The following PCSK6 variants were observed in gnomAD, a reference collection of about 807,000 sequenced individuals.
The protein encoded by PCSK6 is proprotein convertase subtilisin/kexin type 6.
In PCSK6, 85 loss-of-function variants were observed where a neutral mutation model predicts 123.3. That is an observed-to-expected ratio of 0.69 (90% CI 0.58 to 0.83). The LOEUF (loss-of-function observed/expected upper bound fraction) is 0.83, where lower values mean the gene tolerates loss of function less well. Ranked by LOEUF, PCSK6 falls within the 40% of genes least tolerant of loss-of-function variation. The pLI is 0.00. For synonymous variants in PCSK6, 508 were observed against 516.0 expected (o/e 0.98, Z 0.21); for missense variants, 1,191 against 1,282.3 (o/e 0.93, Z 1.09).
chr15:101,390,861 G>T (rs2042213905), intron 8 of PCSK6, among the ~76,000 whole-genome samples: 1 of 152,190 alleles, frequency 6.6e-6, no homozygotes. Context: ...GCTGTTTTAA[G>T]CTGCTAAGTT....
At chr15:101,425,873 C>T (rs778917179) in intron 6 of PCSK6, among the ~76,000 whole-genome samples, 1 of 152,190 alleles carries the variant, frequency 6.6e-6, no homozygotes, top group African/African-American at 2.4e-5. Context: ...CTTCCACTGA[C>T]TCCTCCCCGC....
Position 101,332,035 on chromosome 15 carries a change from G to A in PCSK6, c.1859-4C>T. ...AGGCTCCATTCTTTCAACTTCCCTGGAAGGCACCAAACCCACAGAGTTACC... is the reference window on the plus strand; with the variant it reads ...AGGCTCCATTCTTTCAACTTCCCTGAAAGGCACCAAACCCACAGAGTTACC... On this transcript the variant is annotated splice_region_variant and splice_polypyrimidine_tract_variant and intron_variant, in intron 13 of 21. Transcript: ENST00000611716. The A allele has an allele frequency of 6.3e-7, 1 of 1,586,526 alleles. No homozygotes were observed. The highest frequency in any genetic ancestry group is 1.1e-5 in the South Asian group (1 of 88,546).
At chr15:101,487,395 CG>C (rs1567265257) in intron 1 of PCSK6, among the ~76,000 whole-genome samples, 2 of 152,218 alleles carry the variant, frequency 1.3e-5, no homozygotes, top group African/African-American at 4.8e-5. Context: ...GAGTGTGCAT[CG>C]GGGCGAATCT....
At chr15:101,367,314 A>C (rs1414555443) in intron 12 of PCSK6, among the ~76,000 whole-genome samples, 1 of 152,100 alleles carries the variant, frequency 6.6e-6, no homozygotes, top group Non-Finnish European at 1.5e-5. Flanking sequence ...TCACAGTCTA[A>C]TTTTCTATCT....
intron 2 of PCSK6, among the ~76,000 whole-genome samples, chr15:101,442,250 C>T (rs952356458): frequency 1.3e-5 from 2 of 152,226 alleles, no homozygotes; most frequent in African/African-American, 2.4e-5. Context: ...CCTTCCCTTG[C>T]TATGAAGGAA....
At chr15:101,392,773 C>T (rs1394042237) in intron 8 of PCSK6, among the ~76,000 whole-genome samples, 2 of 152,124 alleles carry the variant, frequency 1.3e-5, no homozygotes, top group African/African-American at 4.8e-5. Context: ...TCTGTAGCAA[C>T]AGAATGCCTA....
Position 101,382,410 on chromosome 15 carries a change from CCTT to C in PCSK6, c.1415-204_1415-202del, listed in dbSNP as rs199988443. Among the ~76,000 whole-genome samples, 1,446 of 152,350 alleles carry C rather than the reference CCTT, an allele frequency of 9.5e-3. 20 individuals are homozygous for C. Among genetic ancestry groups the C allele is most frequent in the African/African-American group, 0.033 (1,375 of 41,580 alleles). On this transcript the variant is annotated intron_variant, in intron 10 of 21. Transcript: ENST00000611716. ...TGCCTCACTCTCTCTGAACCCAACT[CCTT>C]CTGCTAAATTTAGGAGTGTGGGTCA...
intron 11 of PCSK6, among the ~76,000 whole-genome samples, chr15:101,375,628 A>C (rs1353115717): frequency 6.6e-6 from 1 of 152,214 alleles, no homozygotes; most frequent in Non-Finnish European, 1.5e-5. Flanking sequence ...CTTTGGTGTC[A>C]TGTGTAGATG....
intron 11 of PCSK6, among the ~76,000 whole-genome samples, chr15:101,372,871 T>A (rs1336684716): frequency 6.6e-6 from 1 of 151,894 alleles, no homozygotes. Context: ...GAAGACACGG[T>A]CCCCACACTC....
At chr15:101,452,985 T>G (rs752977267) in intron 1 of PCSK6, among the ~76,000 whole-genome samples, 1 of 152,226 alleles carries the variant, frequency 6.6e-6, no homozygotes, top group Non-Finnish European at 1.5e-5. Context: ...AGTTTGTGAT[T>G]GTTTCAAAAA....
At chr15:101,466,210 T>G (rs1269005475) in intron 1 of PCSK6, among the ~76,000 whole-genome samples, 1 of 151,880 alleles carries the variant, frequency 6.6e-6, no homozygotes, top group African/African-American at 2.4e-5. Context: ...CCACTAAACA[T>G]GAACAAAAAT....
chr15:101,483,874 G>A (rs7162188), intron 1 of PCSK6, among the ~76,000 whole-genome samples: 5,178 of 152,282 alleles, frequency 0.034, 299 homozygotes, highest in African/African-American at 0.12. Flanking sequence ...TCTAAAGTAG[G>A]GACTTCTTAA....
chr15:101,320,558 C>T (rs914531126), intron 18 of PCSK6, among the ~76,000 whole-genome samples: 6 of 152,070 alleles, frequency 3.9e-5, no homozygotes, highest in African/African-American at 1.4e-4. Context: ...AGCAGGAAGA[C>T]GTCTGTATGT....
chr15:101,351,511 G>A (rs1417208266), intron 13 of PCSK6, among the ~76,000 whole-genome samples: 5 of 152,160 alleles, frequency 3.3e-5, no homozygotes, highest in East Asian at 1.9e-4. Context: ...GGCAGCCATC[G>A]GCTGGTTATG....
intron 2 of PCSK6, among the ~76,000 whole-genome samples, chr15:101,432,900 C>T (rs535068142): frequency 3.3e-5 from 5 of 152,216 alleles, no homozygotes; most frequent in Admixed American, 2.0e-4. Context: ...AATATGGTAC[C>T]AAAACATGCA....
chr15:101,391,322 C>T (rs1325357836), intron 8 of PCSK6, among the ~76,000 whole-genome samples: 1 of 152,214 alleles, frequency 6.6e-6, no homozygotes, highest in Non-Finnish European at 1.5e-5. Flanking sequence ...GGAGGAGAAA[C>T]TAGGGGTGGC....
intron 6 of PCSK6, among the ~76,000 whole-genome samples, chr15:101,412,712 T>TAAAA (rs1555456796): frequency 9.5e-5 from 13 of 136,384 alleles, no homozygotes; most frequent in Non-Finnish European, 1.2e-4. Flanking sequence ...TATATATATA[T>TAAAA]AAAATTACCC....
intron 6 of PCSK6, among the ~76,000 whole-genome samples, chr15:101,419,024 G>A (rs542362528): frequency 6.6e-6 from 1 of 152,068 alleles, no homozygotes; most frequent in African/African-American, 2.4e-5. Flanking sequence ...AAAATTAGAA[G>A]TATTCCTGTA....
intron 1 of PCSK6, among the ~76,000 whole-genome samples, chr15:101,478,874 C>T (rs2141257214): frequency 6.6e-6 from 1 of 152,344 alleles, no homozygotes; most frequent in South Asian, 2.1e-4. Flanking sequence ...CACAAACCTG[C>T]TAGAGCTCAG....
Sources: allele counts gnomAD v4.1 joint callset (sites outside exome capture counted in the v4.1 genomes callset), GRCh38; gene constraint gnomAD v4.1.1; transcripts MANE v1.5; gene names NCBI Gene and HGNC (gene_info 2026-07-23, HGNC 2026-07-21).